SNX10: variants seen among roughly 807,000 people sequenced by gnomAD.
The protein encoded by SNX10 is sorting nexin-10.
Under a neutral mutation model 28.5 loss-of-function variants are expected in SNX10, and 25 were observed. That is an observed-to-expected ratio of 0.88 (90% confidence interval 0.64 to 1.22). The LOEUF (loss-of-function observed/expected upper bound fraction) is 1.22, where lower values mean the gene tolerates loss of function less well. Ranked by LOEUF, SNX10 falls within the 50% of genes most tolerant of loss-of-function variation. The pLI, the probability that SNX10 is intolerant of heterozygous loss-of-function variation, is 0.00. For missense variants in SNX10, 223 were observed against 242.6 expected (o/e 0.92, Z 0.54); for synonymous variants, 62 against 81.4 (o/e 0.76, Z 1.28).
At chr7:26,314,999 A>ACAAAACAAAACAAAG (rs1787016387) in intron 1 of SNX10, among the ~76,000 whole-genome samples, 1 of 151,866 alleles carries the variant, frequency 6.6e-6, no homozygotes, top group African/African-American at 2.4e-5. Context: ...CTGTCTCAAA[A>ACAAAACAAAACAAAG]CAAAACAAAA....
intron 1 of SNX10, among the ~76,000 whole-genome samples, chr7:26,299,714 G>A (rs1219496863): frequency 3.3e-5 from 5 of 151,898 alleles, no homozygotes; most frequent in African/African-American, 7.2e-5. Flanking sequence ...GTGAGCCACC[G>A]CATCTGGCCT....
At chr7:26,325,520 G>A (rs1562796737) in intron 1 of SNX10, among the ~76,000 whole-genome samples, 2 of 149,924 alleles carry the variant, frequency 1.3e-5, no homozygotes, top group Non-Finnish European at 3.0e-5. Flanking sequence ...CACCATGTTG[G>A]CCAGGCTGGT....
intron 2 of SNX10, among the ~76,000 whole-genome samples, chr7:26,359,953 G>A (rs1282742401): frequency 6.6e-6 from 1 of 152,044 alleles, no homozygotes; most frequent in African/African-American, 2.4e-5. Flanking sequence ...ACTGCGCCCG[G>A]CCTATTGTTT....
chr7:26,301,666 A>G (rs1163064013), intron 1 of SNX10, among the ~76,000 whole-genome samples: 1 of 152,220 alleles, frequency 6.6e-6, no homozygotes, highest in Non-Finnish European at 1.5e-5. Flanking sequence ...GTACTCAACC[A>G]TGTACCACAC....
rs565511245 is a variant in SNX10 at position 26,371,075 on chromosome 7, G to C, written c.312-746G>C. Reference sequence around the variant, plus strand: ...AGTTTTTAATCTTCCATGTAGTTCTGATGCCCTGGTTGAAATCTGTTCTGT... The same window carrying C: ...AGTTTTTAATCTTCCATGTAGTTCTCATGCCCTGGTTGAAATCTGTTCTGT... On this transcript the variant is annotated intron_variant, in intron 5 of 6. Coordinates refer to ENST00000338523, the MANE Select transcript of SNX10 (RefSeq NM_013322.3). Among the ~76,000 whole-genome samples, 17 of 150,860 alleles carry C rather than the reference G, an allele frequency of 1.1e-4. 1 individual carries two copies. In the East Asian group the frequency reaches 3.1e-3, roughly 27 times the overall value.
intron 1 of SNX10, among the ~76,000 whole-genome samples, chr7:26,306,550 A>G (rs1209725034): frequency 6.6e-6 from 1 of 151,684 alleles, no homozygotes; most frequent in African/African-American, 2.4e-5. Context: ...GACTACAGGC[A>G]CGCACCACCA....
intron 1 of SNX10, among the ~76,000 whole-genome samples, chr7:26,299,363 T>C (rs1786236459): frequency 6.6e-6 from 1 of 152,096 alleles, no homozygotes; most frequent in Admixed American, 6.5e-5. Flanking sequence ...ACTCAGCTAA[T>C]TTTTGTATTT....
chr7:26,372,043 T>C lies in SNX10; in HGVS notation c.524+10T>C. ...ATTATGATTCAGAAAGGTATTTCCT[T>C]GCATTTTGATTTAATGTATATGTAT... On this transcript the variant is annotated intron_variant, in intron 6 of 6. Coordinates refer to ENST00000338523, the MANE Select transcript of SNX10 (RefSeq NM_013322.3). The C allele has an allele frequency of 6.4e-7, 1 of 1,551,578 alleles. No homozygotes were observed. Among genetic ancestry groups the C allele is most frequent in the Non-Finnish European group, 8.9e-7 (1 of 1,126,688 alleles).
At chr7:26,307,202 C>A (rs1333965507) in intron 1 of SNX10, among the ~76,000 whole-genome samples, 1 of 152,154 alleles carries the variant, frequency 6.6e-6, no homozygotes, top group Admixed American at 6.5e-5. Context: ...TCATCTGCAT[C>A]CCTGTATCCT....
intron 2 of SNX10, among the ~76,000 whole-genome samples, chr7:26,350,888 A>G (rs1412677911): frequency 1.3e-5 from 2 of 152,160 alleles, no homozygotes; most frequent in Non-Finnish European, 2.9e-5. Flanking sequence ...TGTTACAGGT[A>G]CTGTGAGGAC....
At chr7:26,350,277 T>C (rs1788544743) in intron 2 of SNX10, among the ~76,000 whole-genome samples, 5 of 152,006 alleles carry the variant, frequency 3.3e-5, no homozygotes, top group African/African-American at 9.7e-5. Flanking sequence ...ATATCCTGAG[T>C]AGGACAGGCC....
intron 1 of SNX10, among the ~76,000 whole-genome samples, chr7:26,335,616 C>T (rs1584133057): frequency 1.3e-5 from 2 of 152,182 alleles, no homozygotes; most frequent in African/African-American, 4.8e-5. Context: ...AGGGCCCTGG[C>T]ACCACCACAG....
chr7:26,335,732 A>ATTTTTTTTTTTT (rs1554355773), intron 1 of SNX10, among the ~76,000 whole-genome samples: 12 of 112,428 alleles, frequency 1.1e-4, no homozygotes, highest in Non-Finnish European at 1.7e-4. Context: ...CAGATGGAAT[A>ATTTTTTTTTTTT]TTCTTTTTTT....
chr7:26,322,353 G>A (rs1787343966), intron 1 of SNX10, among the ~76,000 whole-genome samples: 1 of 152,112 alleles, frequency 6.6e-6, no homozygotes, highest in Non-Finnish European at 1.5e-5. Context: ...TCTACTCTCT[G>A]CCATTTTATA....
intron 1 of SNX10, among the ~76,000 whole-genome samples, chr7:26,335,858 C>T (rs1344016031): frequency 6.7e-6 from 1 of 149,542 alleles, no homozygotes; most frequent in Non-Finnish European, 1.5e-5. Context: ...ATTCTCCTGC[C>T]TCAGCCTCCC....
chr7:26,328,732 C>T (rs1016427306), intron 1 of SNX10, among the ~76,000 whole-genome samples: 1 of 152,158 alleles, frequency 6.6e-6, no homozygotes, highest in Non-Finnish European at 1.5e-5. Context: ...GTAGGCAGTA[C>T]AGAAGTGGGG....
chr7:26,296,679 A>T (rs1465250941), intron 1 of SNX10, among the ~76,000 whole-genome samples: 1 of 152,186 alleles, frequency 6.6e-6, no homozygotes, highest in African/African-American at 2.4e-5. Context: ...CATTTTTGAA[A>T]AAGAATATTG....
At chr7:26,328,443 C>T (rs1012270023) in intron 1 of SNX10, among the ~76,000 whole-genome samples, 3 of 152,124 alleles carry the variant, frequency 2.0e-5, no homozygotes, top group Admixed American at 6.5e-5. Context: ...ATGAAGAGAC[C>T]GCTAGGAGGT....
chr7:26,297,086 G>T lies in SNX10; in HGVS notation c.-24+5000G>T, dbSNP rs867687801. On this transcript the variant is annotated intron_variant, in intron 1 of 6. Transcript: ENST00000338523. Reference sequence around the variant, plus strand: ...TATTAAAATATATGTAAATATAGAAGATGGTTTTAAAGAGCTTTTTGTTGT... The same window carrying T: ...TATTAAAATATATGTAAATATAGAATATGGTTTTAAAGAGCTTTTTGTTGT... Among the ~76,000 whole-genome samples the T allele has an allele frequency of 9.3e-4, 102 of 109,698 alleles. 1 individual carries two copies. The highest frequency in any genetic ancestry group is 7.3e-3 in the Admixed American group (65 of 8,844). The allele number at this position is 109,698 out of a possible 152,430, so 72.0% of individuals were successfully genotyped here. A position where few individuals can be genotyped will look rare whatever the true frequency, so the allele number is the denominator to read the frequency against.
Sources: allele counts gnomAD v4.1 joint callset (sites outside exome capture counted in the v4.1 genomes callset), GRCh38; gene constraint gnomAD v4.1.1; transcripts MANE v1.5; gene names NCBI Gene and HGNC (gene_info 2026-07-23, HGNC 2026-07-21).